Variants in PHF20L1 observed in about 807,000 individuals in gnomAD.
The protein encoded by PHF20L1 is PHD finger protein 20 like 1, also known as PHD finger protein 20-like protein 1.
In PHF20L1, 44 loss-of-function variants were observed where a neutral mutation model predicts 125.5. That is an observed-to-expected ratio of 0.35 (90% CI 0.28 to 0.45). The LOEUF (loss-of-function observed/expected upper bound fraction) is 0.45, where lower values mean the gene tolerates loss of function less well. Among genes scored for constraint, PHF20L1 ranks in the 20% least tolerant of loss-of-function variants. PHF20L1 has a pLI of 1.00. For missense variants in PHF20L1, 1,012 were observed against 1,217.2 expected, an observed-to-expected ratio of 0.83 and a Z score of 2.51; for synonymous variants, 380 against 403.1, an observed-to-expected ratio of 0.94 and a Z score of 0.69.
At chr8:132,823,523 G>A (rs1196256923) in intron 12 of PHF20L1, among the ~76,000 whole-genome samples, 1 of 151,890 alleles carries the variant, frequency 6.6e-6, no homozygotes, top group Non-Finnish European at 1.5e-5. Flanking sequence ...TTTATGGTTA[G>A]ACCCATATTT....
chr8:132,821,862 A>G (rs988560286), intron 12 of PHF20L1, among the ~76,000 whole-genome samples: 20 of 151,804 alleles, frequency 1.3e-4, no homozygotes, highest in African/African-American at 4.6e-4. Context: ...TTCTGTTGCT[A>G]AAATTTAGTT....
intron 14 of PHF20L1, chr8:132,826,889 A>C (rs923228701): frequency 6.6e-6 from 1 of 152,110 alleles, no homozygotes; most frequent in Non-Finnish European, 1.5e-5. Flanking sequence ...CCAGTTTTAA[A>C]AAATACAAAT....
intron 2 of PHF20L1, among the ~76,000 whole-genome samples, chr8:132,788,408 T>G (rs1417225608): frequency 6.6e-6 from 1 of 152,156 alleles, no homozygotes; most frequent in East Asian, 1.9e-4. Flanking sequence ...ATTGATATGG[T>G]GCTTATTCAA....
chr8:132,794,395 A>G lies in PHF20L1; in HGVS notation c.84-15A>G, dbSNP rs925532466. 3.9e-6 allele frequency: 6 copies of G among 1,545,722 alleles called. No individual in the cohort carries two copies. In the East Asian group the frequency reaches 9.0e-5, roughly 23 times the overall value. ...TAAGGATTTTCTCTTTATATGAAGC[A>G]TTTTGATTTTTGAGGTATCCATCAC... On this transcript the variant is annotated splice_polypyrimidine_tract_variant and intron_variant, in intron 2 of 20. Coordinates refer to ENST00000395386, the MANE Select transcript of PHF20L1 (RefSeq NM_016018.5).
At chr8:132,813,117 A>C in intron 9 of PHF20L1, 2 of 972,586 alleles carry the variant, frequency 2.1e-6, no homozygotes, top group Non-Finnish European at 2.4e-6. Flanking sequence ...TAACTTTGTA[A>C]CTTGAGAGTA....
In PHF20L1 at chr8:132,812,771, G is replaced by T. The variant is rs1303417753; in HGVS notation, c.930+1643G>T. ...ATTGGTATCAGCAATAGACCTAAAG[G>T]AGAGGTATTGATTGTTACTAACCTC... On this transcript the variant is annotated intron_variant, in intron 9 of 20. Transcript: ENST00000395386. 8.1e-6 allele frequency: 8 copies of T among 983,584 alleles called. No individual in the cohort carries two copies. The Admixed American group carries it at 4.9e-4, about 61-fold the overall frequency. The allele number at this position is 983,584 out of a possible 1,614,324, so 60.9% of individuals were successfully genotyped here.
intron 4 of PHF20L1, among the ~76,000 whole-genome samples, chr8:132,798,197 C>G (rs553765058): frequency 6.6e-6 from 1 of 151,954 alleles, no homozygotes; most frequent in Non-Finnish European, 1.5e-5. Context: ...AGCATTTAGC[C>G]TTCCTCTAGA....
chr8:132,825,942 G>C (rs1406268889), intron 14 of PHF20L1, among the ~76,000 whole-genome samples: 4 of 152,000 alleles, frequency 2.6e-5, no homozygotes, highest in Non-Finnish European at 2.9e-5. Context: ...TCAGAACTTT[G>C]AGAGAATAAA....
intron 17 of PHF20L1, chr8:132,839,150 G>A (rs947909337): frequency 4.3e-6 from 2 of 465,038 alleles, no homozygotes; most frequent in Non-Finnish European, 7.7e-6. Context: ...CTTTGCAAGT[G>A]TCATCTGCCA....
chr8:132,778,616 A>G (rs770729246), intron 2 of PHF20L1, among the ~76,000 whole-genome samples: 3 of 152,158 alleles, frequency 2.0e-5, no homozygotes, highest in South Asian at 2.1e-4. Context: ...TAAAACTACT[A>G]TCTGGAAAGG....
At chr8:132,834,135 A>G (rs575036859) in intron 15 of PHF20L1, among the ~76,000 whole-genome samples, 22 of 152,210 alleles carry the variant, frequency 1.4e-4, no homozygotes, top group African/African-American at 4.3e-4. Flanking sequence ...TGCTTCTTAC[A>G]TAACTTTCAG....
At chr8:132,815,138 T>G in intron 10 of PHF20L1, 2 of 300,684 alleles carry the variant, frequency 6.7e-6, no homozygotes, top group Non-Finnish European at 1.2e-5. Context: ...TTGACTCTCC[T>G]CAACTCATAA....
At position 132,803,957 on chromosome 8, in the gene PHF20L1, G is replaced by A. The variant is rs1833387432; in HGVS notation, c.646G>A (p.Glu216Lys). 4 of 1,612,246 alleles carry A rather than the reference G, an allele frequency of 2.5e-6. No homozygotes were observed. In the African/African-American group the frequency reaches 5.3e-5, roughly 22 times the overall value. ...GTGGTTTAAAGTACCTTCAAAGAAG[G>A]AGGAAACTTCAACTTGTATAGCCAC... ...RKWFKVPSKK[E>K]ETSTCIATPD... Residue 216 changes from glutamate to lysine, a missense_variant, in exon 7 of 21, where the codon GAG (glutamate) becomes AAG (lysine). Around this residue, in one of 7 missense-constraint regions of PHF20L1, gnomAD observed 134 missense variants for 145.9 expected, o/e 0.92. Transcript: ENST00000395386.
intron 9 of PHF20L1, 57 bp from the exon 10 acceptor site, chr8:132,814,580 C>G (rs984119895): frequency 4.0e-6 from 5 of 1,252,526 alleles, no homozygotes; most frequent in Non-Finnish European, 3.3e-6. Flanking sequence ...AAATAGAATA[C>G]AAGAACAAAA....
At position 132,832,375 on chromosome 8, in the gene PHF20L1, C is replaced by G. The variant is rs1409797405; in HGVS notation, c.1885C>G (p.Leu629Val). Residue 629 changes from leucine to valine, a missense_variant, in exon 15 of 21, where the codon CTA becomes GTA. By Grantham distance (32) the Leu-to-Val change is conservative (BLOSUM62 1). Around this residue, in one of 7 missense-constraint regions of PHF20L1, gnomAD observed 320 missense variants for 293.8 expected, o/e 1.09. Coordinates refer to ENST00000395386, the MANE Select transcript of PHF20L1 (RefSeq NM_016018.5). ...AACCTATCAGTACCCAAGGGCAATTCTATCCGTTGATCTTAGTGGTGAAAG... is the reference window on the plus strand; with the variant it reads ...AACCTATCAGTACCCAAGGGCAATTGTATCCGTTGATCTTAGTGGTGAAAG... The part of the protein sequence containing the change: ...TTTYQYPRAI[L>V]SVDLSGENLS... 4 of 1,611,694 alleles carry G rather than the reference C, an allele frequency of 2.5e-6. No individual in the cohort carries two copies. In the South Asian group the frequency reaches 3.3e-5, roughly 13 times the overall value.
chr8:132,833,261 A>G (rs188919331), intron 15 of PHF20L1, among the ~76,000 whole-genome samples: 5 of 152,200 alleles, frequency 3.3e-5, no homozygotes, highest in African/African-American at 9.6e-5. Context: ...ATACTAGGTT[A>G]AATGTTTGCT....
intron 14 of PHF20L1, among the ~76,000 whole-genome samples, chr8:132,827,632 A>G (rs1395197706): frequency 6.6e-6 from 1 of 152,026 alleles, no homozygotes; most frequent in Non-Finnish European, 1.5e-5. Flanking sequence ...AAGGCAGGAA[A>G]TTGTAACTTG....
At chr8:132,784,703 CT>C (rs1256151282) in intron 2 of PHF20L1, among the ~76,000 whole-genome samples, 1 of 152,106 alleles carries the variant, frequency 6.6e-6, no homozygotes, top group Non-Finnish European at 1.5e-5. Flanking sequence ...GGCATGAAAC[CT>C]TTTGGCTCCC....
intron 12 of PHF20L1, among the ~76,000 whole-genome samples, chr8:132,819,919 G>C (rs1343069444): frequency 6.6e-6 from 1 of 151,852 alleles, no homozygotes; most frequent in African/African-American, 2.4e-5. Flanking sequence ...AACATGGTTA[G>C]GTTTTTACTT....
Sources: allele counts gnomAD v4.1 joint callset (sites outside exome capture counted in the v4.1 genomes callset), GRCh38; gene constraint gnomAD v4.1.1; regional missense constraint gnomAD v4.1.1; transcripts MANE v1.5; gene names NCBI Gene and HGNC (gene_info 2026-07-23, HGNC 2026-07-21).